CDH13: variants seen among roughly 807,000 people sequenced by gnomAD.
The protein encoded by CDH13 is cadherin 13, also known as cadherin-13.
Under a neutral mutation model 63.8 loss-of-function variants are expected in CDH13, and 24 were observed. The observed-to-expected ratio is 0.38, with a 90% CI of 0.27 to 0.53. The LOEUF (loss-of-function observed/expected upper bound fraction) is 0.53, where lower values mean the gene tolerates loss of function less well. CDH13 is among the 20% of genes least tolerant of loss of function. The pLI is 0.85. For synonymous variants in CDH13, 503 were observed against 355.3 expected (o/e 1.42, Z -4.67); for missense variants, 1,049 against 903.1 (o/e 1.16, Z -2.07).
At chr16:82,754,747 A>G (rs893320645) in intron 1 of CDH13, among the ~76,000 whole-genome samples, 3 of 152,198 alleles carry the variant, frequency 2.0e-5, no homozygotes, top group Non-Finnish European at 4.4e-5. Flanking sequence ...GGACTTTGCT[A>G]TCTAGACTTT....
intron 8 of CDH13, among the ~76,000 whole-genome samples, chr16:83,635,635 C>CTAACCA (rs1567472182): frequency 2.0e-5 from 3 of 152,096 alleles, no homozygotes; most frequent in Non-Finnish European, 4.4e-5. Flanking sequence ...AGCCACCACG[C>CTAACCA]CCGGCCCCAT....
intron 11 of CDH13, among the ~76,000 whole-genome samples, chr16:83,779,440 T>TAAAAAAAA (rs1915362976): frequency 1.8e-4 from 8 of 43,698 alleles, no homozygotes; most frequent in Admixed American, 2.5e-4. Context: ...AAAAAAAAAG[T>TAAAAAAAA]CTTATATATG....
At chr16:83,694,655 G>A (rs1905207308) in intron 10 of CDH13, among the ~76,000 whole-genome samples, 2 of 152,258 alleles carry the variant, frequency 1.3e-5, no homozygotes, top group African/African-American at 4.8e-5. Context: ...GGTGACATGG[G>A]CCAGCAACCA....
intron 6 of CDH13, among the ~76,000 whole-genome samples, chr16:83,408,162 C>T (rs995313684): frequency 6.6e-6 from 1 of 152,152 alleles, no homozygotes; most frequent in African/African-American, 2.4e-5. Flanking sequence ...GATCTTGTGA[C>T]CCGTGTGACT....
intron 5 of CDH13, among the ~76,000 whole-genome samples, chr16:83,280,565 C>T (rs189939431): frequency 6.6e-6 from 1 of 152,294 alleles, no homozygotes; most frequent in Admixed American, 6.5e-5. Flanking sequence ...GATATTTTGG[C>T]CTCTTATCAT....
At chr16:83,563,793 C>G (rs1251466422) in intron 7 of CDH13, among the ~76,000 whole-genome samples, 3 of 152,130 alleles carry the variant, frequency 2.0e-5, no homozygotes, top group African/African-American at 7.2e-5. Flanking sequence ...TCTGCCTTTC[C>G]TCTGCTCCCT....
At chr16:83,266,225 ACT>A (rs1341779532) in intron 5 of CDH13, among the ~76,000 whole-genome samples, 4 of 152,142 alleles carry the variant, frequency 2.6e-5, no homozygotes, top group East Asian at 3.9e-4. Context: ...TACAGAAGTC[ACT>A]CTCACACACA....
intron 10 of CDH13, among the ~76,000 whole-genome samples, chr16:83,738,368 G>A (rs573793617): frequency 3.4e-4 from 52 of 152,350 alleles, no homozygotes; most frequent in African/African-American, 1.2e-3. Context: ...TACATAGGCT[G>A]GAAGCCTCTA....
chr16:82,749,796 C>G (rs557475694), intron 1 of CDH13, among the ~76,000 whole-genome samples: 48 of 152,286 alleles, frequency 3.2e-4, no homozygotes, highest in Admixed American at 2.7e-3. Context: ...TTGCCTCCCT[C>G]ATTTTCTCCC....
chr16:83,202,047 G>C (rs1399897326), intron 4 of CDH13, among the ~76,000 whole-genome samples: 1 of 152,176 alleles, frequency 6.6e-6, no homozygotes, highest in East Asian at 1.9e-4. Flanking sequence ...TTTCCCTGTA[G>C]GCTGTTTTCT....
chr16:82,659,799 G>T lies in CDH13; in HGVS notation c.45+32662G>T, dbSNP rs78501344. On this transcript the variant is annotated intron_variant, in intron 1 of 13. Transcript: ENST00000567109. Reference sequence around the variant, plus strand: ...GCATGGTGGCCACTTTGGGCAGGAAGATTGTGGTGAGGCTATCCTGTGCAT... The same window carrying T: ...GCATGGTGGCCACTTTGGGCAGGAATATTGTGGTGAGGCTATCCTGTGCAT... 4.0e-3 allele frequency among the ~76,000 whole-genome samples: 609 copies of T among 152,276 alleles called. 13 individuals are homozygous for T. Among genetic ancestry groups the T allele is most frequent in the Admixed American group, 0.036 (545 of 15,296 alleles).
chr16:82,682,413 C>G (rs1311280046), intron 1 of CDH13, among the ~76,000 whole-genome samples: 1 of 152,184 alleles, frequency 6.6e-6, no homozygotes, highest in Admixed American at 6.5e-5. Context: ...GAGAGGCCAC[C>G]TATTGGAGGC....
intron 7 of CDH13, among the ~76,000 whole-genome samples, chr16:83,502,281 G>C (rs1057514160): frequency 2.6e-5 from 4 of 152,110 alleles, no homozygotes; most frequent in African/African-American, 9.7e-5. Flanking sequence ...GGGGGAGGTG[G>C]GAATGGCTGG....
intron 2 of CDH13, among the ~76,000 whole-genome samples, chr16:82,934,695 C>G (rs2042610038): frequency 1.3e-5 from 2 of 152,194 alleles, no homozygotes; most frequent in Admixed American, 1.3e-4. Flanking sequence ...CCTACATCAT[C>G]TCTCTCAGGT....
chr16:83,373,637 A>G (rs1444814854), intron 6 of CDH13, among the ~76,000 whole-genome samples: 1 of 152,008 alleles, frequency 6.6e-6, no homozygotes, highest in East Asian at 1.9e-4. Context: ...TGTTAAGACT[A>G]TTAGGAACAA....
chr16:83,030,964 A>G (rs1452851499), intron 2 of CDH13, among the ~76,000 whole-genome samples: 1 of 151,904 alleles, frequency 6.6e-6, no homozygotes, highest in Non-Finnish European at 1.5e-5. Context: ...TGAAAGAAAT[A>G]TAGTTCCTCA....
chr16:82,929,867 G>C (rs1301897794), intron 2 of CDH13, among the ~76,000 whole-genome samples: 1 of 151,656 alleles, frequency 6.6e-6, no homozygotes, highest in African/African-American at 2.4e-5. Flanking sequence ...GTAGAAAGGA[G>C]TAGTCATAAC....
intron 11 of CDH13, among the ~76,000 whole-genome samples, chr16:83,766,814 G>A (rs557768514): frequency 6.6e-6 from 1 of 152,086 alleles, no homozygotes; most frequent in Non-Finnish European, 1.5e-5. Flanking sequence ...AATCATGGGG[G>A]CAGTTTCCTT....
chr16:82,822,442 T>A (rs1488760159), intron 1 of CDH13, among the ~76,000 whole-genome samples: 17 of 152,216 alleles, frequency 1.1e-4, no homozygotes, highest in Admixed American at 6.5e-4. Context: ...TTTACTTTTT[T>A]AAAAAATAAA....
Sources: allele counts gnomAD v4.1 joint callset (sites outside exome capture counted in the v4.1 genomes callset), GRCh38; gene constraint gnomAD v4.1.1; transcripts MANE v1.5; gene names NCBI Gene and HGNC (gene_info 2026-07-23, HGNC 2026-07-21).